The following TENT4B variants were observed in gnomAD, a reference collection of about 807,000 sequenced individuals.
TENT4B encodes the protein PAP associated domain containing 5.
A neutral mutation model predicts 75.0 loss-of-function variants in TENT4B; 10 were observed. The observed-to-expected ratio is 0.13, with a 90% CI of 0.08 to 0.23. The LOEUF (loss-of-function observed/expected upper bound fraction) is 0.23. TENT4B is among the 10% of genes least tolerant of loss of function. The pLI is 1.00. For missense variants in TENT4B, 579 were observed against 893.8 expected (o/e 0.65, Z 4.49); for synonymous variants, 350 against 357.7 (o/e 0.98, Z 0.24).
intron 1 of TENT4B, among the ~76,000 whole-genome samples, chr16:50,161,867 A>C (rs1273369742): frequency 6.6e-6 from 1 of 152,122 alleles, no homozygotes; most frequent in African/African-American, 2.4e-5. Flanking sequence ...AATTGTATGC[A>C]ATTTTATCAT....
intron 1 of TENT4B, among the ~76,000 whole-genome samples, chr16:50,178,837 G>A (rs896044836): frequency 6.6e-6 from 1 of 152,120 alleles, no homozygotes. Flanking sequence ...CATGTTTAAT[G>A]GGTACAGAGT....
intron 1 of TENT4B, among the ~76,000 whole-genome samples, chr16:50,155,275 GTGT>G (rs1567471116): frequency 1.0e-3 from 155 of 147,852 alleles, no homozygotes; most frequent in African/African-American, 3.7e-3. Flanking sequence ...TCTCGTGGGT[GTGT>G]GTGTGTGTGT....
chr16:50,186,380 T>A (rs369196975), intron 1 of TENT4B, among the ~76,000 whole-genome samples: 28 of 152,192 alleles, frequency 1.8e-4, no homozygotes, highest in African/African-American at 6.3e-4. Context: ...TCTAGCAGGC[T>A]GATTCCAAGG....
At chr16:50,224,813 T>C (rs1242610499) in intron 8 of TENT4B, 30 bp downstream of exon 8, 1 of 1,613,098 alleles carries the variant, frequency 6.2e-7, no homozygotes, top group Non-Finnish European at 8.5e-7. Flanking sequence ...CAGCCCATTG[T>C]GTCAAAATTA....
chr16:50,234,112 T>C lies in TENT4B; in HGVS notation c.*4784T>C, dbSNP rs1366483411. ...GGGGGAATGTTATTTATCTTAAAGA[T>C]GCCTAGAAACAAAACGCATATAGTA... On this transcript the variant is annotated 3_prime_UTR_variant, in exon 12 of 12. Transcript: ENST00000561678. 22 of 985,342 alleles carry C rather than the reference T, an allele frequency of 2.2e-5. No individual in the cohort carries two copies. The African/African-American group carries it at 3.5e-4, about 16-fold the overall frequency. 61.0% of individuals were successfully genotyped at this position (985,342 alleles called of 1,614,324 possible).
At chr16:50,159,661 A>T (rs2150666837) in intron 1 of TENT4B, among the ~76,000 whole-genome samples, 1 of 152,234 alleles carries the variant, frequency 6.6e-6, no homozygotes, top group East Asian at 1.9e-4. Flanking sequence ...TTTCCAAGTG[A>T]TTTGTGCTCT....
At chr16:50,200,346 A>G (rs766966107) in intron 1 of TENT4B, among the ~76,000 whole-genome samples, 8 of 151,712 alleles carry the variant, frequency 5.3e-5, no homozygotes, top group Non-Finnish European at 1.0e-4. Flanking sequence ...TGCCTGGGTG[A>G]CAAAGCAAGA....
chr16:50,233,590 G>T lies in TENT4B; in HGVS notation c.*4262G>T, dbSNP rs552188863. 3.0e-4 allele frequency: 296 copies of T among 983,342 alleles called. No individual in the cohort carries two copies. Among genetic ancestry groups the T allele is most frequent in the Non-Finnish European group, 3.5e-4 (287 of 828,332 alleles). The allele number at this position is 983,342 out of a possible 1,614,324, so 60.9% of individuals were successfully genotyped here. On this transcript the variant is annotated 3_prime_UTR_variant, in exon 12 of 12. Coordinates refer to ENST00000561678, the MANE Select transcript of TENT4B (RefSeq NM_001365324.3). Reference sequence around the variant, plus strand: ...TTAACCAGAAAAATTGCTTATAAAGGCTGCTGATCTATTTGATACCTAGAA... The same window carrying T: ...TTAACCAGAAAAATTGCTTATAAAGTCTGCTGATCTATTTGATACCTAGAA...
intron 1 of TENT4B, among the ~76,000 whole-genome samples, chr16:50,165,854 T>G (rs148176159): frequency 6.3e-4 from 96 of 152,362 alleles, no homozygotes; most frequent in Non-Finnish European, 1.0e-3. Context: ...TTCCATTTTT[T>G]GGCTGTTATG....
chr16:50,230,204 T>C lies in TENT4B; in HGVS notation c.*876T>C. 5.1e-6 allele frequency: 5 copies of C among 985,146 alleles called. No individual in the cohort carries two copies. Among genetic ancestry groups the C allele is most frequent in the Non-Finnish European group, 4.8e-6 (4 of 829,880 alleles). 61.0% of individuals were successfully genotyped at this position (985,146 alleles called of 1,614,324 possible). ...TCCGAGAATTAACTTGCAACTGTTT[T>C]CTATAGTGCTGTCGTCTTGGGCAAT... On this transcript the variant is annotated 3_prime_UTR_variant, in exon 12 of 12. Transcript: ENST00000561678.
intron 7 of TENT4B, 150 bp from the exon 8 acceptor site, chr16:50,224,507 G>A (rs1230302786): frequency 3.7e-6 from 3 of 812,564 alleles, no homozygotes; most frequent in South Asian, 1.8e-5. Context: ...TTCAGAGACT[G>A]GGGAGCTTTG....
chr16:50,222,651 C>T (rs1295761855), intron 6 of TENT4B, among the ~76,000 whole-genome samples: 1 of 152,134 alleles, frequency 6.6e-6, no homozygotes, highest in Non-Finnish European at 1.5e-5. Context: ...AAATCCCATA[C>T]ATTCTAGTAT....
intron 1 of TENT4B, among the ~76,000 whole-genome samples, chr16:50,186,744 CT>C (rs1013743179): frequency 6.7e-5 from 10 of 149,018 alleles, no homozygotes; most frequent in African/African-American, 1.2e-4. Flanking sequence ...GTCCTTTGCA[CT>C]TTTTTTTTTG....
At chr16:50,169,375 T>C (rs2038162329) in intron 1 of TENT4B, among the ~76,000 whole-genome samples, 1 of 149,134 alleles carries the variant, frequency 6.7e-6, no homozygotes, top group African/African-American at 2.5e-5. Context: ...GAGATTTGTT[T>C]AGATTTTGTG....
intron 1 of TENT4B, among the ~76,000 whole-genome samples, chr16:50,166,521 A>G (rs75485223): frequency 6.6e-6 from 1 of 152,342 alleles, no homozygotes; most frequent in East Asian, 1.9e-4. Flanking sequence ...GGCCATGTGC[A>G]CATCTTTGTT....
chr16:50,200,680 G>T (rs1466831653), intron 1 of TENT4B, among the ~76,000 whole-genome samples: 2 of 151,878 alleles, frequency 1.3e-5, no homozygotes, highest in African/African-American at 4.8e-5. Context: ...CTTTAGTGAG[G>T]CCTTTGTTTA....
At chr16:50,187,012 C>T (rs2038541095) in intron 1 of TENT4B, among the ~76,000 whole-genome samples, 1 of 152,092 alleles carries the variant, frequency 6.6e-6, no homozygotes, top group Non-Finnish European at 1.5e-5. Context: ...CCTCCTACCT[C>T]GGCTTCTCAG....
rs1238172623 is a variant in TENT4B at position 50,230,300 on chromosome 16, G to T, written c.*972G>T. On this transcript the variant is annotated 3_prime_UTR_variant, in exon 12 of 12. Coordinates refer to ENST00000561678, the MANE Select transcript of TENT4B (RefSeq NM_001365324.3). ...TTTTCCCCCCATTTCTTCCTAATAG[G>T]AAAAAAAAAAAAAAAAAGGTCACCC... The T allele has an allele frequency of 8.7e-6, 8 of 920,024 alleles. No individual in the cohort carries two copies. The African/African-American group carries it at 1.2e-4, about 14-fold the overall frequency. 57.0% of individuals were successfully genotyped at this position (920,024 alleles called of 1,614,324 possible). A position where few individuals can be genotyped will look rare whatever the true frequency, so the allele number is the denominator to read the frequency against.
At chr16:50,204,530 A>C (rs1261858675) in intron 1 of TENT4B, among the ~76,000 whole-genome samples, 1 of 152,124 alleles carries the variant, frequency 6.6e-6, no homozygotes, top group Admixed American at 6.5e-5. Context: ...TGGTAGCTGC[A>C]AGTATAGGAG....
Sources: gnomAD v4.1 joint callset for allele counts (sites outside exome capture counted in the v4.1 genomes callset) on GRCh38, gnomAD v4.1.1 for gene constraint, MANE v1.5 for transcripts, NCBI Gene and HGNC (gene_info 2026-07-23, HGNC 2026-07-21) for gene names.